HIPK2: variants seen among roughly 807,000 people sequenced by gnomAD.
The protein encoded by HIPK2 is homeodomain-interacting protein kinase 2.
Under a neutral mutation model 113.7 loss-of-function variants are expected in HIPK2, and 27 were observed. The ratio of observed to expected loss-of-function variants is 0.24; its 90% CI spans 0.17 to 0.33. HIPK2 has a LOEUF of 0.33. Among genes scored for constraint, HIPK2 ranks in the 10% least tolerant of loss-of-function variants. The pLI is 1.00. For synonymous variants in HIPK2, 631 were observed against 642.2 expected (o/e 0.98, Z 0.26); for missense variants, 1,257 against 1,588.0 (o/e 0.79, Z 3.54).
chr7:139,696,029 T>G (rs1794556941), intron 2 of HIPK2, among the ~76,000 whole-genome samples: 1 of 152,096 alleles, frequency 6.6e-6, no homozygotes, highest in African/African-American at 2.4e-5. Context: ...TGTTTAAGAC[T>G]TCGGAGAACT....
rs1330784647 is a variant in HIPK2 at position 139,714,327 on chromosome 7, T to C, written c.1103+1605A>G. 6.6e-6 allele frequency among the ~76,000 whole-genome samples: 1 copy of C among 151,932 alleles called. No homozygotes were observed. Among genetic ancestry groups the C allele is most frequent in the African/African-American group, 2.4e-5 (1 of 41,334 alleles). On this transcript the variant is annotated intron_variant, in intron 2 of 14. Coordinates refer to ENST00000406875, the MANE Select transcript of HIPK2 (RefSeq NM_022740.5). The surrounding 1 kb of genome is among the most constrained non-coding windows in gnomAD (Gnocchi z 4.2). ...CGAAACCTCCTGTGTGAGTCAGGAT[T>C]AGGATGAAAGGAGACGGGGTGGAAG...
chr7:139,621,206 C>T (rs1033977255), intron 6 of HIPK2, among the ~76,000 whole-genome samples: 6 of 152,174 alleles, frequency 3.9e-5, no homozygotes, highest in Admixed American at 6.5e-5. Flanking sequence ...TCACTCGGTC[C>T]GGCAACATCC....
chr7:139,655,865 G>A (rs928263075), intron 2 of HIPK2, among the ~76,000 whole-genome samples: 8 of 152,124 alleles, frequency 5.3e-5, no homozygotes, highest in South Asian at 2.1e-4. Context: ...TATGATAATT[G>A]GATGATCATT....
intron 6 of HIPK2, among the ~76,000 whole-genome samples, chr7:139,624,771 C>A (rs1215140324): frequency 2.6e-5 from 4 of 152,316 alleles, no homozygotes; most frequent in South Asian, 4.1e-4. Context: ...GTCAATCTGT[C>A]TTCTTCTCTT....
At chr7:139,600,293 G>C (rs1799373678) in intron 11 of HIPK2, 124 bp downstream of exon 11, 1 of 1,117,670 alleles carries the variant, frequency 8.9e-7, no homozygotes, top group Admixed American at 2.7e-5. Flanking sequence ...GCAGGAAGAG[G>C]AGTGCCCCCA....
intron 6 of HIPK2, among the ~76,000 whole-genome samples, chr7:139,626,107 CT>C (rs545931727): frequency 0.088 from 12,702 of 143,570 alleles, 1,677 homozygotes; most frequent in African/African-American, 0.3. Context: ...TTTTTCTTTC[CT>C]TTTTTTTTTT....
intron 1 of HIPK2, among the ~76,000 whole-genome samples, chr7:139,744,040 T>C (rs1796150433): frequency 6.6e-6 from 1 of 152,120 alleles, no homozygotes; most frequent in South Asian, 2.1e-4. Flanking sequence ...TATTAATTAT[T>C]AGGGAAATGC....
chr7:139,711,897 C>T (rs1260066819), intron 2 of HIPK2, among the ~76,000 whole-genome samples: 1 of 152,220 alleles, frequency 6.6e-6, no homozygotes, highest in Non-Finnish European at 1.5e-5. Flanking sequence ...AAAGGTGACA[C>T]CATTAAGAAA....
intron 1 of HIPK2, among the ~76,000 whole-genome samples, chr7:139,734,860 A>G (rs1432130618): frequency 6.6e-6 from 1 of 152,220 alleles, no homozygotes. Flanking sequence ...ATGCTGTACT[A>G]ATTTATAAAT....
At chr7:139,697,863 A>ATTT (rs1206821973) in intron 2 of HIPK2, among the ~76,000 whole-genome samples, 31 of 135,282 alleles carry the variant, frequency 2.3e-4, no homozygotes, top group African/African-American at 5.4e-4. Flanking sequence ...TCTTAATGGA[A>ATTT]TTTTTTTTTT....
chr7:139,643,493 C>T (rs1225822731), intron 2 of HIPK2, among the ~76,000 whole-genome samples: 6 of 152,088 alleles, frequency 3.9e-5, no homozygotes, highest in Admixed American at 3.9e-4. Context: ...GTTTACATGC[C>T]AGAGGAGAAG....
chr7:139,766,198 G>A (rs1036306542), intron 1 of HIPK2, among the ~76,000 whole-genome samples: 2 of 152,212 alleles, frequency 1.3e-5, no homozygotes, highest in Admixed American at 6.5e-5. Context: ...CACTGTGGAA[G>A]TGGAACCTCT....
At chr7:139,690,537 G>T (rs1234101165) in intron 2 of HIPK2, among the ~76,000 whole-genome samples, 1 of 152,100 alleles carries the variant, frequency 6.6e-6, no homozygotes, top group African/African-American at 2.4e-5. Flanking sequence ...AGAGCTAGTT[G>T]TAAAAAAGAG....
chr7:139,706,989 C>T (rs1449326462), intron 2 of HIPK2, among the ~76,000 whole-genome samples: 1 of 152,192 alleles, frequency 6.6e-6, no homozygotes, highest in African/African-American at 2.4e-5. Context: ...CAAGCTCTGC[C>T]CAAGCAAAGC....
At chr7:139,579,688 G>A (rs147774630) in intron 13 of HIPK2, among the ~76,000 whole-genome samples, 9 of 151,612 alleles carry the variant, frequency 5.9e-5, no homozygotes, top group Non-Finnish European at 1.3e-4. Flanking sequence ...CTCACTACAG[G>A]TGGAAGGGGG....
At chr7:139,638,693 T>C (rs1800898453) in intron 2 of HIPK2, among the ~76,000 whole-genome samples, 1 of 148,340 alleles carries the variant, frequency 6.7e-6, no homozygotes, top group African/African-American at 2.5e-5. Flanking sequence ...AGTCTCACTC[T>C]GTTGCCCAGG....
Position 139,613,438 on chromosome 7 carries a change from C to G in HIPK2, c.1991-115G>C, listed in dbSNP as rs1799910271. On this transcript the variant is annotated intron_variant, in intron 8 of 14. Transcript: ENST00000406875. The surrounding 1 kb of genome is among the most constrained non-coding windows in gnomAD (Gnocchi z 4.2). Reference sequence around the variant, plus strand: ...TTTCTGCTTCCCTTTGCACTGGTCACTGACAACAACCAGGTATTGCCTGGT... The same window carrying G: ...TTTCTGCTTCCCTTTGCACTGGTCAGTGACAACAACCAGGTATTGCCTGGT... 1.6e-6 allele frequency: 2 copies of G among 1,272,938 alleles called. No individual in the cohort carries two copies. The highest frequency in any genetic ancestry group is 2.2e-6 in the Non-Finnish European group (2 of 922,664). The allele number at this position is 1,272,938 out of a possible 1,614,324, so 78.9% of individuals were successfully genotyped here.
At chr7:139,573,516 A>C in intron 14 of HIPK2, 119 bp from the exon 15 acceptor site, 2 of 914,242 alleles carry the variant, frequency 2.2e-6, no homozygotes, top group African/African-American at 1.7e-5. Context: ...GAAGTAATAG[A>C]AGGGGCTTCC....
chr7:139,652,201 T>A (rs998835108), intron 2 of HIPK2, among the ~76,000 whole-genome samples: 1 of 152,212 alleles, frequency 6.6e-6, no homozygotes, highest in South Asian at 2.1e-4. Context: ...AGGAATGTGA[T>A]GTCAACAGCC....
Sources: gnomAD v4.1 joint callset for allele counts (sites outside exome capture counted in the v4.1 genomes callset) on GRCh38, gnomAD v4.1.1 for gene constraint, Gnocchi (gnomAD v3.1) non-coding constraint, MANE v1.5 for transcripts, NCBI Gene and HGNC (gene_info 2026-07-23, HGNC 2026-07-21) for gene names.